CMSS1: variants seen among roughly 807,000 people sequenced by gnomAD.
CMSS1 encodes protein CMSS1.
CMSS1 carries 33 observed loss-of-function variants against 43.5 expected under a neutral mutation model. That is an observed-to-expected ratio of 0.76 (90% CI 0.57 to 1.01). The LOEUF is 1.01. Ranked by LOEUF, CMSS1 falls within the 50% of genes least tolerant of loss-of-function variation. The probability of loss-of-function intolerance (pLI) is 0.00; values close to 1 mark genes in which losing one functional copy is unlikely to be tolerated. For missense variants in CMSS1, 313 were observed against 326.4 expected, an observed-to-expected ratio of 0.96 and a Z score of 0.32; for synonymous variants, 115 against 117.2, an observed-to-expected ratio of 0.98 and a Z score of 0.12.
intron 1 of CMSS1, among the ~76,000 whole-genome samples, chr3:99,926,418 G>C (rs1337835435): frequency 1.3e-5 from 2 of 152,248 alleles, no homozygotes; most frequent in African/African-American, 4.8e-5. Context: ...TGTCATGGAA[G>C]TGTGTTTCAA....
At chr3:99,976,465 A>G (rs540376147) in intron 1 of CMSS1, among the ~76,000 whole-genome samples, 1 of 152,272 alleles carries the variant, frequency 6.6e-6, no homozygotes, top group East Asian at 1.9e-4. Flanking sequence ...ATTGCAGCCA[A>G]ACTACTACTA....
At chr3:99,922,821 C>T (rs1220989511) in intron 1 of CMSS1, among the ~76,000 whole-genome samples, 3 of 152,120 alleles carry the variant, frequency 2.0e-5, no homozygotes, top group African/African-American at 4.8e-5. Flanking sequence ...TTTTTTGCAG[C>T]CACGCTTCTC....
chr3:100,127,699 T>C (rs1282192967), intron 1 of CMSS1, among the ~76,000 whole-genome samples: 1 of 152,132 alleles, frequency 6.6e-6, no homozygotes, highest in Non-Finnish European at 1.5e-5. Flanking sequence ...ATCCCACAAT[T>C]AGAACCTCTT....
At chr3:99,938,882 A>G (rs938485588) in intron 1 of CMSS1, among the ~76,000 whole-genome samples, 2 of 152,218 alleles carry the variant, frequency 1.3e-5, no homozygotes, top group Non-Finnish European at 2.9e-5. Context: ...ATTTGAAGAC[A>G]CTAAACTCAG....
At chr3:99,887,895 C>T (rs2107610729) in intron 1 of CMSS1, among the ~76,000 whole-genome samples, 1 of 152,148 alleles carries the variant, frequency 6.6e-6, no homozygotes, top group African/African-American at 2.4e-5. Context: ...GTGTGCACCA[C>T]CACACCTGGC....
chr3:99,828,614 CTTT>C (rs34266466), intron 1 of CMSS1, among the ~76,000 whole-genome samples: 2 of 133,020 alleles, frequency 1.5e-5, no homozygotes, highest in African/African-American at 2.8e-5. Flanking sequence ...CCACACCTGG[CTTT>C]TTTTTTTTTT....
At chr3:100,133,065 A>G (rs1255813892) in intron 1 of CMSS1, among the ~76,000 whole-genome samples, 1 of 152,092 alleles carries the variant, frequency 6.6e-6, no homozygotes, top group African/African-American at 2.4e-5. Flanking sequence ...CCTTTTTACA[A>G]TGCAATTTTT....
Position 99,817,863 on chromosome 3 carries a change from G to A in CMSS1, c.-117G>A. On this transcript the variant is annotated 5_prime_UTR_variant, in exon 1 of 10. It adds an upstream start codon to the 5' untranslated region. Transcript: ENST00000421999. The stretch of plus-strand genomic sequence containing the variant: ...TCATCGCCGCGGGGCGGAGGCGACA[G>A]TGTCTAGCGGGAGCTCCGCGTGTAG... 4.8e-6 allele frequency: 5 copies of A among 1,041,434 alleles called. No individual in the cohort carries two copies. The highest frequency in any genetic ancestry group is 1.6e-5 in the African/African-American group (1 of 63,966). 64.5% of individuals were successfully genotyped at this position (1,041,434 alleles called of 1,614,324 possible).
In CMSS1 at chr3:99,980,760, A is replaced by G. The variant is rs140883278; in HGVS notation, c.64+162717A>G. Among the ~76,000 whole-genome samples, 665 of 152,244 alleles carry G rather than the reference A, an allele frequency of 4.4e-3. 7 individuals carry two copies. The highest frequency in any genetic ancestry group is 0.016 in the African/African-American group (652 of 41,542). ...TTCTCACTGTTATCCGTTCTGCATT[A>G]TTATTAGTTACAGGTGTGACTTGTT... is the stretch of plus-strand genomic sequence containing the variant. On this transcript the variant is annotated intron_variant, in intron 1 of 9. Coordinates refer to ENST00000421999, the MANE Select transcript of CMSS1 (RefSeq NM_032359.4).
intron 1 of CMSS1, among the ~76,000 whole-genome samples, chr3:99,895,441 C>G (rs1463457931): frequency 1.4e-5 from 2 of 144,946 alleles, no homozygotes; most frequent in African/African-American, 5.1e-5. Flanking sequence ...GTGGCTTATT[C>G]AAGGTACTGT....
intron 1 of CMSS1, among the ~76,000 whole-genome samples, chr3:99,976,176 G>T (rs1398064151): frequency 6.6e-6 from 1 of 152,080 alleles, no homozygotes; most frequent in African/African-American, 2.4e-5. Context: ...ACCTGGCCCA[G>T]TGTCTCTTTT....
chr3:100,025,148 A>G (rs2064895546), intron 1 of CMSS1, among the ~76,000 whole-genome samples: 1 of 152,182 alleles, frequency 6.6e-6, no homozygotes, highest in Admixed American at 6.5e-5. Flanking sequence ...GTCAATGACC[A>G]TACTTAGCTA....
intron 1 of CMSS1, among the ~76,000 whole-genome samples, chr3:99,899,170 A>G (rs1706356424): frequency 6.6e-6 from 1 of 152,212 alleles, no homozygotes; most frequent in Non-Finnish European, 1.5e-5. Context: ...ATCTAAAAAT[A>G]TCTTTTAAAA....
chr3:100,076,978 T>C (rs2065859971), intron 1 of CMSS1, among the ~76,000 whole-genome samples: 1 of 152,214 alleles, frequency 6.6e-6, no homozygotes. Context: ...CCCTTTACTG[T>C]TCCACATAAG....
chr3:99,998,016 C>A (rs759778628), intron 1 of CMSS1, among the ~76,000 whole-genome samples: 3 of 152,130 alleles, frequency 2.0e-5, no homozygotes, highest in Non-Finnish European at 4.4e-5. Flanking sequence ...GAGCTAAAAC[C>A]AGTTAACTGG....
At chr3:99,904,352 T>C (rs1706541822) in intron 1 of CMSS1, among the ~76,000 whole-genome samples, 1 of 152,242 alleles carries the variant, frequency 6.6e-6, no homozygotes, top group Non-Finnish European at 1.5e-5. Context: ...CAAGTATTTG[T>C]AACCATTTTC....
intron 1 of CMSS1, among the ~76,000 whole-genome samples, chr3:99,881,383 G>GA (rs1199737031): frequency 6.6e-6 from 1 of 151,538 alleles, no homozygotes; most frequent in Non-Finnish European, 1.5e-5. Flanking sequence ...CTGCAGAAGT[G>GA]AAAAAAAACC....
At chr3:99,891,537 A>T (rs901540661) in intron 1 of CMSS1, among the ~76,000 whole-genome samples, 2 of 151,494 alleles carry the variant, frequency 1.3e-5, no homozygotes, top group Admixed American at 1.3e-4. Context: ...TATATATTTT[A>T]TTTTGCTTTT....
chr3:99,894,335 G>A (rs148960848), intron 1 of CMSS1, among the ~76,000 whole-genome samples: 301 of 152,298 alleles, frequency 2.0e-3, no homozygotes, highest in African/African-American at 6.8e-3. Context: ...TTGTTCATCT[G>A]TTGTGGGTGC....
Sources: allele counts gnomAD v4.1 joint callset (sites outside exome capture counted in the v4.1 genomes callset), GRCh38; gene constraint gnomAD v4.1.1; transcripts MANE v1.5; gene names NCBI Gene and HGNC (gene_info 2026-07-23, HGNC 2026-07-21).